BMPR1B: variants seen among roughly 807,000 people sequenced by gnomAD.
BMPR1B encodes the protein bone morphogenetic protein receptor type-1B.
In BMPR1B, 12 loss-of-function variants were observed where a neutral mutation model predicts 59.1. That is an observed-to-expected ratio of 0.20 (90% CI 0.13 to 0.33). The LOEUF is 0.33. Ranked by LOEUF, BMPR1B falls within the 10% of genes least tolerant of loss-of-function variation. The pLI, the probability that BMPR1B is intolerant of heterozygous loss-of-function variation, is 1.00. For synonymous variants in BMPR1B, 237 were observed against 207.3 expected (o/e 1.14, Z -1.23); for missense variants, 550 against 610.9 (o/e 0.90, Z 1.05).
chr4:95,057,641 A>G (rs1009980226), intron 3 of BMPR1B, among the ~76,000 whole-genome samples: 6 of 152,074 alleles, frequency 3.9e-5, no homozygotes, highest in Non-Finnish European at 7.4e-5. Flanking sequence ...CTTTTCTAGA[A>G]AAACTGCACC....
intron 2 of BMPR1B, among the ~76,000 whole-genome samples, chr4:94,987,602 G>C (rs1721497482): frequency 6.6e-6 from 1 of 151,908 alleles, no homozygotes; most frequent in Non-Finnish European, 1.5e-5. Flanking sequence ...ACTTTAGCTT[G>C]TCTTAGGGAA....
chr4:95,024,121 T>G (rs1453544956), intron 3 of BMPR1B, among the ~76,000 whole-genome samples: 4 of 152,194 alleles, frequency 2.6e-5, no homozygotes, highest in African/African-American at 9.6e-5. Context: ...AATGTGTAAG[T>G]TAGCCCATGA....
chr4:94,981,024 A>ACAC (rs1560578257), intron 2 of BMPR1B, among the ~76,000 whole-genome samples: 25 of 45,980 alleles, frequency 5.4e-4, no homozygotes, highest in African/African-American at 1.7e-3. Context: ...CACACACACA[A>ACAC]AAAGTAGAAG....
chr4:94,792,428 CCTT>C (rs1723019744), intron 1 of BMPR1B, among the ~76,000 whole-genome samples: 2 of 152,130 alleles, frequency 1.3e-5, no homozygotes, highest in African/African-American at 2.4e-5. Flanking sequence ...CTTCTCTTCT[CCTT>C]CTATTCCCTT....
intron 1 of BMPR1B, among the ~76,000 whole-genome samples, chr4:94,842,692 G>C (rs544629562): frequency 3.3e-5 from 5 of 152,066 alleles, no homozygotes; most frequent in Non-Finnish European, 7.4e-5. Flanking sequence ...ATTACATTTA[G>C]TCTGTGAATG....
At chr4:95,036,038 A>G (rs1367473106) in intron 3 of BMPR1B, among the ~76,000 whole-genome samples, 1 of 151,864 alleles carries the variant, frequency 6.6e-6, no homozygotes, top group Non-Finnish European at 1.5e-5. Context: ...TTTATTTTTT[A>G]CAGCTATCAT....
At position 95,094,953 on chromosome 4, in the gene BMPR1B, T is replaced by A. The variant is rs569100271; in HGVS notation, c.-17-9455T>A. ...CATATGATTTTGCTCTGGTATTTTT[T>A]AATAAAAATTGTATTTATATTTTGT... On this transcript the variant is annotated intron_variant, in intron 3 of 12. Transcript: ENST00000515059. Among the ~76,000 whole-genome samples the A allele has an allele frequency of 7.2e-5, 11 of 152,250 alleles. No individual in the cohort carries two copies. The South Asian group carries it at 8.3e-4, about 11-fold the overall frequency.
At chr4:95,015,150 C>T (rs535526246) in intron 3 of BMPR1B, among the ~76,000 whole-genome samples, 64 of 152,178 alleles carry the variant, frequency 4.2e-4, no homozygotes, top group Admixed American at 7.9e-4. Context: ...GCCACCTCAG[C>T]ACCCATAAAC....
chr4:95,100,671 T>C (rs571295409), intron 3 of BMPR1B, among the ~76,000 whole-genome samples: 51 of 152,278 alleles, frequency 3.3e-4, no homozygotes, highest in African/African-American at 1.2e-3. Context: ...AGAGCTAATA[T>C]TATTCAGATG....
intron 1 of BMPR1B, among the ~76,000 whole-genome samples, chr4:94,795,486 A>G (rs1381272806): frequency 2.0e-5 from 3 of 151,554 alleles, no homozygotes; most frequent in Admixed American, 2.0e-4. Context: ...ATTTTTTGAG[A>G]TGGAGTCTCA....
At chr4:95,084,274 GTA>G (rs1233502303) in intron 3 of BMPR1B, among the ~76,000 whole-genome samples, 1 of 149,868 alleles carries the variant, frequency 6.7e-6, no homozygotes, top group Non-Finnish European at 1.5e-5. Context: ...AGTACTCTGT[GTA>G]TGTACATGAT....
chr4:94,858,547 A>G (rs1725858116), intron 1 of BMPR1B, among the ~76,000 whole-genome samples: 1 of 152,218 alleles, frequency 6.6e-6, no homozygotes, highest in African/African-American at 2.4e-5. Flanking sequence ...TTTTAGTGAT[A>G]TACATGAGTT....
In BMPR1B at chr4:95,141,265, T is replaced by C. The variant is rs561625167; in HGVS notation, c.1077-7483T>C. ...TTTCTTTAGTTTCTACTCTTTTTTT[T>C]CCACTGTTTTATATTGTATTTGTGC... On this transcript the variant is annotated intron_variant, in intron 10 of 12. Coordinates refer to ENST00000515059, the MANE Select transcript of BMPR1B (RefSeq NM_001203.3). Among the ~76,000 whole-genome samples the C allele has an allele frequency of 2.1e-3, 320 of 152,350 alleles. 1 individual carries two copies. The highest frequency in any genetic ancestry group is 6.4e-3 in the South Asian group (31 of 4,828).
chr4:94,934,413 G>A (rs1359332742), intron 2 of BMPR1B, among the ~76,000 whole-genome samples: 1 of 140,272 alleles, frequency 7.1e-6, no homozygotes, highest in Non-Finnish European at 1.5e-5. Flanking sequence ...TCACGTGCAT[G>A]TTTCTGCCTT....
At chr4:95,153,835 GT>G (rs1205092814) in intron 12 of BMPR1B, among the ~76,000 whole-genome samples, 1 of 152,046 alleles carries the variant, frequency 6.6e-6, no homozygotes, top group Non-Finnish European at 1.5e-5. Context: ...CCGAGACCCT[GT>G]CTTAAAACAA....
At chr4:95,091,926 G>A (rs745426958) in intron 3 of BMPR1B, among the ~76,000 whole-genome samples, 2 of 151,938 alleles carry the variant, frequency 1.3e-5, no homozygotes, top group African/African-American at 4.8e-5. Context: ...GTGTGAGTGC[G>A]TGTTTGCCCC....
rs28647276 is a variant in BMPR1B at position 94,930,069 on chromosome 4, G to A, written c.-113+54169G>A. ...TCCACCATTCTCTACTTTAAACTAA[G>A]ACTGTTTAGGATTACATCGTTTTTC... On this transcript the variant is annotated intron_variant, in intron 2 of 12. Coordinates refer to ENST00000515059, the MANE Select transcript of BMPR1B (RefSeq NM_001203.3). Among the ~76,000 whole-genome samples, 1,122 of 152,076 alleles carry A rather than the reference G, an allele frequency of 7.4e-3. 16 individuals carry two copies. The highest frequency in any genetic ancestry group is 0.026 in the African/African-American group (1,075 of 41,490).
intron 4 of BMPR1B, among the ~76,000 whole-genome samples, chr4:95,110,361 C>A (rs184512161): frequency 2.0e-5 from 3 of 152,054 alleles, no homozygotes; most frequent in Admixed American, 2.0e-4. Context: ...AATGCTAAAT[C>A]ATTTGGCAAG....
At chr4:94,798,272 C>G (rs1266990225) in intron 1 of BMPR1B, among the ~76,000 whole-genome samples, 1 of 152,220 alleles carries the variant, frequency 6.6e-6, no homozygotes, top group African/African-American at 2.4e-5. Flanking sequence ...GTCCTCAACT[C>G]CAGCATCTCT....
Sources: gnomAD v4.1 joint callset for allele counts (sites outside exome capture counted in the v4.1 genomes callset) on GRCh38, gnomAD v4.1.1 for gene constraint, MANE v1.5 for transcripts, NCBI Gene and HGNC (gene_info 2026-07-23, HGNC 2026-07-21) for gene names.